TEX2: variants seen among roughly 807,000 people sequenced by gnomAD.
TEX2 encodes the protein testis-expressed protein 2.
Under a neutral mutation model 106.9 loss-of-function variants are expected in TEX2, and 53 were observed. The observed-to-expected ratio is 0.50, with a 90% CI of 0.40 to 0.62. The LOEUF is 0.62. TEX2 is among the 20% of genes least tolerant of loss of function. The pLI is 0.00. For synonymous variants in TEX2, 523 were observed against 534.8 expected, an observed-to-expected ratio of 0.98 and a Z score of 0.30; for missense variants, 1,207 against 1,379.0, an observed-to-expected ratio of 0.88 and a Z score of 1.98.
At chr17:64,227,484 G>GA (rs1241484133) in intron 1 of TEX2, among the ~76,000 whole-genome samples, 6 of 151,900 alleles carry the variant, frequency 3.9e-5, no homozygotes, top group African/African-American at 1.2e-4. Context: ...TTGTGATCTG[G>GA]AAAAAAAATT....
At chr17:64,258,636 A>C (rs1471084949) in intron 1 of TEX2, among the ~76,000 whole-genome samples, 1 of 152,214 alleles carries the variant, frequency 6.6e-6, no homozygotes, top group Admixed American at 6.5e-5. Context: ...AAAAGTCCTG[A>C]ATACAATCAT....
At chr17:64,251,566 G>A (rs1598230149) in intron 1 of TEX2, among the ~76,000 whole-genome samples, 1 of 152,050 alleles carries the variant, frequency 6.6e-6, no homozygotes, top group Non-Finnish European at 1.5e-5. Flanking sequence ...TTTCCTATTC[G>A]TAACTTCAAA....
chr17:64,223,811 G>A (rs551716371), intron 1 of TEX2, among the ~76,000 whole-genome samples: 1 of 151,196 alleles, frequency 6.6e-6, no homozygotes, highest in Admixed American at 6.6e-5. Flanking sequence ...CAGCTCCCAG[G>A]TTCAAGCGAT....
chr17:64,206,920 G>C (rs919967876), intron 2 of TEX2, among the ~76,000 whole-genome samples: 11 of 152,176 alleles, frequency 7.2e-5, no homozygotes, highest in Non-Finnish European at 1.6e-4. Context: ...TTCAGAGCGG[G>C]AGACGGCGGA....
chr17:64,215,415 G>A (rs1340011537), intron 1 of TEX2, among the ~76,000 whole-genome samples: 1 of 152,208 alleles, frequency 6.6e-6, no homozygotes, highest in Non-Finnish European at 1.5e-5. Flanking sequence ...AGGGACAAGG[G>A]CATAAAGATG....
chr17:64,245,294 CATTGTGA>C (rs1441225945), intron 1 of TEX2, among the ~76,000 whole-genome samples: 1 of 152,116 alleles, frequency 6.6e-6, no homozygotes, highest in African/African-American at 2.4e-5. Context: ...GAAAATATAC[CATTGTGA>C]AATGTCTCAA....
At chr17:64,169,496 C>T (rs998198004) in intron 7 of TEX2, among the ~76,000 whole-genome samples, 1 of 152,190 alleles carries the variant, frequency 6.6e-6, no homozygotes, top group Admixed American at 6.5e-5. Flanking sequence ...TGAGGGGTTA[C>T]AGGTGAGCTC....
chr17:64,217,680 T>C lies in TEX2; in HGVS notation c.-25-3438A>G, dbSNP rs1346858381. Among the ~76,000 whole-genome samples, 1 of 152,148 alleles carries C rather than the reference T, an allele frequency of 6.6e-6. No homozygotes were observed. The highest frequency in any genetic ancestry group is 1.5e-5 in the Non-Finnish European group (1 of 68,026). ...GCCCTCTACTCCTGAAACTCAATTA[T>C]ACCCAGGCTCAAAAAAAGAGACAAG... is the stretch of plus-strand genomic sequence containing the variant. On this transcript the variant is annotated intron_variant, in intron 1 of 11. Transcript: ENST00000584379. The surrounding 1 kb of genome is among the most constrained non-coding windows in gnomAD (Gnocchi z 4.3).
At position 64,263,213 on chromosome 17, in the gene TEX2, T is replaced by A. The variant is rs1168843741; in HGVS notation, c.-71A>T. Reference sequence around the variant, plus strand: ...CATTGTACTATGCCGGCGCCCGTGCTCCCGGCCGCGCGACTCCGGCTTCGG... The same window carrying A: ...CATTGTACTATGCCGGCGCCCGTGCACCCGGCCGCGCGACTCCGGCTTCGG... On this transcript the variant is annotated 5_prime_UTR_variant, in exon 1 of 12. Transcript: ENST00000584379. 6.6e-6 allele frequency: 1 copy of A among 151,022 alleles called. No homozygotes were observed. The highest frequency in any genetic ancestry group is 1.5e-5 in the Non-Finnish European group (1 of 67,650). The allele number at this position is 151,022 out of a possible 1,614,324, so 9.4% of individuals were successfully genotyped here.
At chr17:64,188,028 T>C in intron 5 of TEX2, 140 bp downstream of exon 5, 1 of 934,546 alleles carries the variant, frequency 1.1e-6, no homozygotes, top group African/African-American at 1.7e-5. Flanking sequence ...AGATTACAAG[T>C]TCCCCAAAGG....
chr17:64,150,958 A>G lies in TEX2; in HGVS notation c.3144T>C (p.Tyr1048=). The change falls in exon 11 of 12, where the codon TAT becomes TAC. Residue 1048 remains tyrosine, a synonymous_variant. Coordinates refer to ENST00000584379, the MANE Select transcript of TEX2 (RefSeq NM_001288732.2). ...IPPPPTDRVW[Y]GFRKPPHVEL... ...CCACATGTGGTGGCTTTCGGAAACC[A>G]TACCTTTTTGAAGACAAGTAATAAC... 6.2e-7 allele frequency: 1 copy of G among 1,613,702 alleles called. No individual in the cohort carries two copies. Among genetic ancestry groups the G allele is most frequent in the South Asian group, 1.1e-5 (1 of 90,952 alleles).
At position 64,205,667 on chromosome 17, in the gene TEX2, T is replaced by C. The variant is rs2032807725; in HGVS notation, c.1644+6907A>G. ...TGATCATGTCCTCCCCCCAAAATTA[T>C]TCTTTTATATATCAAAACCAAAGCC... On this transcript the variant is annotated intron_variant, in intron 2 of 11. Transcript: ENST00000584379. The surrounding 1 kb of genome is among the most constrained non-coding windows in gnomAD (Gnocchi z 4.0). Among the ~76,000 whole-genome samples the C allele has an allele frequency of 6.6e-6, 1 of 152,196 alleles. No individual in the cohort carries two copies. Among genetic ancestry groups the C allele is most frequent in the Non-Finnish European group, 1.5e-5 (1 of 68,034 alleles).
chr17:64,187,120 A>G (rs964799781), intron 5 of TEX2, among the ~76,000 whole-genome samples: 10 of 152,216 alleles, frequency 6.6e-5, no homozygotes, highest in Non-Finnish European at 1.5e-4. Flanking sequence ...ACTGTTCAAG[A>G]GAGCAGAGTA....
intron 1 of TEX2, among the ~76,000 whole-genome samples, chr17:64,225,249 C>T (rs370385293): frequency 5.9e-5 from 9 of 151,858 alleles, no homozygotes; most frequent in African/African-American, 1.9e-4. Flanking sequence ...TCCAGGGGTT[C>T]GAGACCAGCC....
intron 2 of TEX2, among the ~76,000 whole-genome samples, chr17:64,199,588 A>AT (rs2032592052): frequency 2.0e-5 from 3 of 152,264 alleles, no homozygotes; most frequent in Non-Finnish European, 4.4e-5. Context: ...AAGAAAAAGC[A>AT]GGTAAAATTA....
chr17:64,248,852 T>C (rs891059873), intron 1 of TEX2, among the ~76,000 whole-genome samples: 1 of 152,048 alleles, frequency 6.6e-6, no homozygotes. Flanking sequence ...CTGGCCAACA[T>C]GGTGAAACCC....
chr17:64,242,579 A>G (rs531083326), intron 1 of TEX2, among the ~76,000 whole-genome samples: 3 of 152,288 alleles, frequency 2.0e-5, no homozygotes, highest in East Asian at 1.9e-4. Flanking sequence ...TGTTGCCACC[A>G]AGAGGACTGC....
chr17:64,193,061 C>A (rs2032351681), intron 4 of TEX2, among the ~76,000 whole-genome samples: 1 of 152,226 alleles, frequency 6.6e-6, no homozygotes, highest in African/African-American at 2.4e-5. Flanking sequence ...TCTCTTGCAG[C>A]TCCAAGCCCA....
intron 5 of TEX2, among the ~76,000 whole-genome samples, chr17:64,183,575 C>T (rs1054260451): frequency 5.9e-5 from 9 of 152,232 alleles, no homozygotes; most frequent in South Asian, 2.1e-4. Flanking sequence ...TACAGGCATG[C>T]GCCACCATGC....
Sources: allele counts gnomAD v4.1 joint callset (sites outside exome capture counted in the v4.1 genomes callset), GRCh38; gene constraint gnomAD v4.1.1; non-coding constraint Gnocchi (gnomAD v3.1); transcripts MANE v1.5; gene names NCBI Gene and HGNC (gene_info 2026-07-23, HGNC 2026-07-21).